Variants in NRG3 observed in about 807,000 individuals in gnomAD.
The protein encoded by NRG3 is pro-neuregulin-3, membrane-bound isoform.
NRG3 carries 31 observed loss-of-function variants against 66.9 expected under a neutral mutation model. The ratio of observed to expected loss-of-function variants is 0.46; its 90% CI spans 0.35 to 0.63. The LOEUF is 0.63. Ranked by LOEUF, NRG3 falls within the 20% of genes least tolerant of loss-of-function variation. NRG3 has a pLI of 0.00. For missense variants in NRG3, 910 were observed against 878.9 expected (o/e 1.04, Z -0.45); for synonymous variants, 393 against 359.4 (o/e 1.09, Z -1.06).
At chr10:82,186,967 C>G (rs998040355) in intron 1 of NRG3, among the ~76,000 whole-genome samples, 9 of 152,132 alleles carry the variant, frequency 5.9e-5, no homozygotes, top group Non-Finnish European at 1.0e-4. Flanking sequence ...TCCTTACTTC[C>G]TGGCATCAAA....
At chr10:81,986,878 C>T (rs1481433801) in intron 1 of NRG3, among the ~76,000 whole-genome samples, 1 of 152,026 alleles carries the variant, frequency 6.6e-6, no homozygotes, top group African/African-American at 2.4e-5. Context: ...GACAAGTACT[C>T]ATTACATTTC....
intron 4 of NRG3, among the ~76,000 whole-genome samples, chr10:82,871,847 G>A (rs1298136216): frequency 6.6e-6 from 1 of 151,790 alleles, no homozygotes; most frequent in South Asian, 2.1e-4. Flanking sequence ...AAGCAATCAG[G>A]TCATCTGCAA....
chr10:82,572,469 G>A (rs2045795483), intron 2 of NRG3, among the ~76,000 whole-genome samples: 1 of 151,550 alleles, frequency 6.6e-6, no homozygotes, highest in Non-Finnish European at 1.5e-5. Flanking sequence ...TGTGATTTTT[G>A]CAGGCCCTTT....
intron 1 of NRG3, among the ~76,000 whole-genome samples, chr10:82,297,580 C>G (rs770313130): frequency 2.0e-5 from 3 of 151,952 alleles, no homozygotes; most frequent in Non-Finnish European, 4.4e-5. Context: ...CTAAATTCAC[C>G]CATAAGAAAG....
intron 1 of NRG3, among the ~76,000 whole-genome samples, chr10:81,996,118 T>A (rs2060930242): frequency 6.6e-6 from 1 of 152,184 alleles, no homozygotes; most frequent in Non-Finnish European, 1.5e-5. Context: ...TGGAAATTTT[T>A]AAAAATATCA....
chr10:82,303,814 C>T (rs936897794), intron 1 of NRG3, among the ~76,000 whole-genome samples: 1 of 151,936 alleles, frequency 6.6e-6, no homozygotes, highest in African/African-American at 2.4e-5. Flanking sequence ...TTGCAGTGAG[C>T]CAAGATCACA....
At chr10:82,041,033 A>G (rs2063010161) in intron 1 of NRG3, among the ~76,000 whole-genome samples, 3 of 152,102 alleles carry the variant, frequency 2.0e-5, no homozygotes, top group African/African-American at 7.2e-5. Flanking sequence ...GAAGGACCAA[A>G]TGCCATGCAT....
chr10:81,909,320 C>T (rs1452014839), intron 1 of NRG3, among the ~76,000 whole-genome samples: 2 of 152,138 alleles, frequency 1.3e-5, no homozygotes, highest in Non-Finnish European at 2.9e-5. Context: ...TCTGCAAAGG[C>T]CCCATTTTCA....
intron 2 of NRG3, among the ~76,000 whole-genome samples, chr10:82,617,834 C>T (rs1019219438): frequency 1.3e-5 from 2 of 152,142 alleles, no homozygotes; most frequent in Admixed American, 6.6e-5. Context: ...TACGGAGCAG[C>T]TGTCTACTCC....
intron 2 of NRG3, among the ~76,000 whole-genome samples, chr10:82,651,538 C>G (rs2051413702): frequency 6.6e-6 from 1 of 152,196 alleles, no homozygotes; most frequent in South Asian, 2.1e-4. Context: ...GTGGAGAAGC[C>G]TACATGACAA....
chr10:82,925,497 G>T (rs1000668185), intron 4 of NRG3, among the ~76,000 whole-genome samples: 3 of 152,224 alleles, frequency 2.0e-5, no homozygotes, highest in Non-Finnish European at 4.4e-5. Context: ...TATTCATGTT[G>T]TAGTTGTCAT....
Position 81,875,541 on chromosome 10 carries a change from G to C in NRG3, c.201G>C (p.Leu67=). The C allele has an allele frequency of 3.1e-6, 5 of 1,612,806 alleles. No homozygotes were observed. Among genetic ancestry groups the C allele is most frequent in the Non-Finnish European group, 4.2e-6 (5 of 1,179,806 alleles). The change falls in exon 1 of 9, where the codon CTG becomes CTC. Residue 67 remains leucine (L), a synonymous_variant. Transcript: ENST00000372141. The surrounding 1 kb of genome is among the most constrained non-coding windows in gnomAD (Gnocchi z 5.3). The part of the protein sequence containing the change: ...CIVWNRQQTW[L]CVVPLFIGFI... Reference sequence around the variant, plus strand: ...TGTGGAACCGGCAGCAGACGTGGCTGTGCGTGGTACCTCTGTTCATCGGCT... The same window carrying C: ...TGTGGAACCGGCAGCAGACGTGGCTCTGCGTGGTACCTCTGTTCATCGGCT...
intron 1 of NRG3, among the ~76,000 whole-genome samples, chr10:82,141,586 T>C (rs571967386): frequency 6.6e-6 from 1 of 152,170 alleles, no homozygotes; most frequent in Non-Finnish European, 1.5e-5. Flanking sequence ...ATAGAACTTT[T>C]CACTTCTGTG....
intron 4 of NRG3, among the ~76,000 whole-genome samples, chr10:82,936,394 A>G (rs1848067817): frequency 1.3e-5 from 2 of 152,174 alleles, no homozygotes; most frequent in Non-Finnish European, 2.9e-5. Flanking sequence ...GGAATCTAAA[A>G]AAAGCTGTTC....
chr10:82,826,418 A>G (rs747095741), intron 3 of NRG3, among the ~76,000 whole-genome samples: 1 of 152,202 alleles, frequency 6.6e-6, no homozygotes, highest in Non-Finnish European at 1.5e-5. Context: ...CTGTTAAGAC[A>G]TTTGTGAGTT....
intron 1 of NRG3, among the ~76,000 whole-genome samples, chr10:82,290,716 C>T (rs56112289): frequency 0.016 from 2,425 of 151,714 alleles, 66 homozygotes; most frequent in African/African-American, 0.055. Context: ...CTCACTGCAA[C>T]CTCCGCCTCC....
intron 1 of NRG3, among the ~76,000 whole-genome samples, chr10:82,330,348 A>G (rs896491150): frequency 2.0e-5 from 3 of 148,738 alleles, no homozygotes; most frequent in African/African-American, 7.6e-5. Flanking sequence ...CCTGATTTTT[A>G]TAGTCATGAT....
chr10:82,882,719 G>A (rs1265543053), intron 4 of NRG3, among the ~76,000 whole-genome samples: 2 of 152,184 alleles, frequency 1.3e-5, no homozygotes, highest in Non-Finnish European at 2.9e-5. Flanking sequence ...CTTAGAGATT[G>A]TCTACCACAC....
At chr10:82,301,320 C>T (rs118081643) in intron 1 of NRG3, among the ~76,000 whole-genome samples, 1,929 of 152,046 alleles carry the variant, frequency 0.013, 19 homozygotes, top group Non-Finnish European at 0.018. Context: ...TATGATTTCT[C>T]GATGTATTAA....
Sources: allele counts gnomAD v4.1 joint callset (sites outside exome capture counted in the v4.1 genomes callset), GRCh38; gene constraint gnomAD v4.1.1; non-coding constraint Gnocchi (gnomAD v3.1); transcripts MANE v1.5; gene names NCBI Gene and HGNC (gene_info 2026-07-23, HGNC 2026-07-21).